Variants in KMT2B observed in about 807,000 individuals in gnomAD.
The protein encoded by KMT2B is lysine methyltransferase 2B.
Under a neutral mutation model 255.3 loss-of-function variants are expected in KMT2B, and 22 were observed. The ratio of observed to expected loss-of-function variants is 0.09; its 90% CI spans 0.06 to 0.12. KMT2B has a LOEUF of 0.12. Ranked by LOEUF, KMT2B falls within the 10% of genes least tolerant of loss-of-function variation. The probability of loss-of-function intolerance (pLI) is 1.00; values close to 1 mark genes in which losing one functional copy is unlikely to be tolerated. For missense variants in KMT2B, 3,149 were observed against 3,737.0 expected (o/e 0.84, Z 4.10); for synonymous variants, 1,730 against 1,498.1 (o/e 1.15, Z -3.57).
At chr19:35,729,499 G>A (rs559448047) in intron 22 of KMT2B, among the ~76,000 whole-genome samples, 7 of 152,316 alleles carry the variant, frequency 4.6e-5, no homozygotes, top group Admixed American at 3.3e-4. Context: ...CTGAAGTGTG[G>A]GAGTCTAAAA....
intron 26 of KMT2B, among the ~76,000 whole-genome samples, chr19:35,731,442 C>T (rs1215175791): frequency 1.3e-5 from 2 of 152,076 alleles, no homozygotes; most frequent in East Asian, 3.9e-4. Context: ...AAGAAGTGGA[C>T]AGAGGAGGAG....
In KMT2B at chr19:35,729,236, C is replaced by T. The variant is rs370642497; in HGVS notation, c.4857C>T (p.Phe1619=). 116 of 1,607,772 alleles carry T rather than the reference C, an allele frequency of 7.2e-5. No individual in the cohort carries two copies. In the African/African-American group the frequency reaches 1.1e-3, roughly 16 times the overall value. Residue 1619 remains phenylalanine, a synonymous_variant, in exon 22 of 37, where the codon TTC becomes TTT. Coordinates refer to ENST00000420124, the MANE Select transcript of KMT2B (RefSeq NM_014727.3). ...VNCAIWSAEV[F]EENDGSLKNV... is the part of the protein sequence containing the mutation. Reference sequence around the variant, plus strand: ...GTGCCATCTGGTCGGCGGAAGTCTTCGAGGAGAACGACGGCTCCCTCAAGA... The same window carrying T: ...GTGCCATCTGGTCGGCGGAAGTCTTTGAGGAGAACGACGGCTCCCTCAAGA...
Position 35,727,022 on chromosome 19 carries a change from CT to C in KMT2B, c.4004-130del. 2.0e-6 allele frequency: 1 copy of C among 499,610 alleles called. No homozygotes were observed. Among genetic ancestry groups the C allele is most frequent in the Non-Finnish European group, 3.6e-6 (1 of 279,748 alleles). 30.9% of individuals were successfully genotyped at this position (499,610 alleles called of 1,614,324 possible). A position where few individuals can be genotyped will look rare whatever the true frequency, so the allele number is the denominator to read the frequency against. ...AAAAAAAAGCCTCATCCTCAAGGAG[CT>C]TTTAGGGACTAGTAGGGGCCCAAAA... On this transcript the variant is annotated intron_variant, in intron 14 of 36. Transcript: ENST00000420124. This position sits in a 1 kb window ranked among gnomAD's most constrained non-coding sequence, Gnocchi z 4.2.
Position 35,732,747 on chromosome 19 carries a change from C to G in KMT2B, c.6198C>G (p.Asp2066Glu). Reference protein sequence around the residue: ...PRIEQLDGVDDGTDSEAEAVQ... With the variant: ...PRIEQLDGVDEGTDSEAEAVQ... ...TTGAACAGCTGGACGGCGTGGACGA[C>G]GGCACTGACAGTGAGGCTGAGGCGG... Residue 2066 changes from aspartate to glutamate, a missense_variant, in exon 28 of 37, where the codon GAC (aspartate) becomes GAG (glutamate). By Grantham distance (45) the Asp-to-Glu change is conservative. Transcript: ENST00000420124. The G allele has an allele frequency of 6.2e-7, 1 of 1,610,316 alleles. No individual in the cohort carries two copies. The highest frequency in any genetic ancestry group is 1.1e-5 in the South Asian group (1 of 90,628).
chr19:35,721,765 C>A lies in KMT2B; in HGVS notation c.2418C>A (p.Ile806=). The change falls in exon 3 of 37, where the codon ATC becomes ATA. Residue 806 remains isoleucine (I), a synonymous_variant. Transcript: ENST00000420124. ...LKRAKVQLFK[I]DQQQQQKVAA... ...GAGCCAAAGTGCAGCTATTCAAGAT[C>A]GATCAGCAGCAGCAGCAGAAGGTGG... 2 of 1,601,998 alleles carry A rather than the reference C, an allele frequency of 1.2e-6. No individual in the cohort carries two copies. Among genetic ancestry groups the A allele is most frequent in the East Asian group, 2.2e-5 (1 of 44,498 alleles).
chr19:35,725,468 C>T lies in KMT2B; in HGVS notation c.3643-11C>T, dbSNP rs778222884. Reference sequence around the variant, plus strand: ...CTATGCCCATCATTCACTCCTTTACCCTGTCCCCAGCTGGTGTTCTGTCAA... The same window carrying T: ...CTATGCCCATCATTCACTCCTTTACTCTGTCCCCAGCTGGTGTTCTGTCAA... On this transcript the variant is annotated splice_polypyrimidine_tract_variant and intron_variant, in intron 11 of 36. Coordinates refer to ENST00000420124, the MANE Select transcript of KMT2B (RefSeq NM_014727.3). This position sits in a 1 kb window ranked among gnomAD's most constrained non-coding sequence, Gnocchi z 4.1. 31 of 1,609,868 alleles carry T rather than the reference C, an allele frequency of 1.9e-5. No individual in the cohort carries two copies. Among genetic ancestry groups the T allele is most frequent in the South Asian group, 3.3e-5 (3 of 91,084 alleles).
chr19:35,735,094 T>TGTTTG (rs1212259296), intron 30 of KMT2B: 5 of 152,328 alleles, frequency 3.3e-5, no homozygotes, highest in Admixed American at 3.3e-4. Context: ...AGTCCTGCTG[T>TGTTTG]GTTTGGGAAA....
rs772898053 is a variant in KMT2B at position 35,725,188 on chromosome 19, G to T, written c.3529-32G>T. On this transcript the variant is annotated intron_variant, in intron 10 of 36. Coordinates refer to ENST00000420124, the MANE Select transcript of KMT2B (RefSeq NM_014727.3). The surrounding 1 kb of genome is among the most constrained non-coding windows in gnomAD (Gnocchi z 4.1). ...GTGGGTCTGCCTTGTATGCCTGGCG[G>T]CCCTCTGATCCTGCATCCTCTCTTC... 6.3e-7 allele frequency: 1 copy of T among 1,598,878 alleles called. No individual in the cohort carries two copies.
At position 35,732,821 on chromosome 19, in the gene KMT2B, T is replaced by C; in HGVS notation, c.6272T>C (p.Val2091Ala). The change falls in exon 28 of 37, where the codon GTC (valine) becomes GCC (alanine). Residue 2091 changes from valine (V) to alanine (A), a missense_variant. Around this residue, in one of 18 missense-constraint regions of KMT2B, gnomAD observed 897 missense variants for 825.3 expected, o/e 1.09. Coordinates refer to ENST00000420124, the MANE Select transcript of KMT2B (RefSeq NM_014727.3). ...QGTPPSGPGV[V>A]RAGVLGAAGD... ...ACGCCTCCTTCGGGGCCAGGAGTAGTCCGGGCAGGGGTCCTTGGGGCTGCA... is the reference window on the plus strand; with the variant it reads ...ACGCCTCCTTCGGGGCCAGGAGTAGCCCGGGCAGGGGTCCTTGGGGCTGCA... 1.2e-6 allele frequency: 2 copies of C among 1,606,574 alleles called. No individual in the cohort carries two copies. Among genetic ancestry groups the C allele is most frequent in the Non-Finnish European group, 1.7e-6 (2 of 1,177,266 alleles).
chr19:35,733,359 C>G lies in KMT2B; in HGVS notation c.6810C>G (p.Ser2270Arg). ...LTLVLSSGPA[S>R]PPRQAIRVKR... is the part of the protein sequence containing the mutation. The stretch of plus-strand genomic sequence containing the variant: ...TGGTGCTGAGCAGTGGGCCAGCCAG[C>G]CCGCCCCGCCAGGCCATCCGCGTCA... The change falls in exon 28 of 37, where the codon AGC becomes AGG. Residue 2270 changes from serine to arginine, a missense_variant. Ser to Arg is a moderately radical substitution (Grantham distance 110). Coordinates refer to ENST00000420124, the MANE Select transcript of KMT2B (RefSeq NM_014727.3). This position sits in a 1 kb window ranked among gnomAD's most constrained non-coding sequence, Gnocchi z 4.3. 1 of 1,547,652 alleles carries G rather than the reference C, an allele frequency of 6.5e-7. No homozygotes were observed. The highest frequency in any genetic ancestry group is 1.2e-5 in the South Asian group (1 of 83,970).
intron 21 of KMT2B, 32 bp downstream of exon 21, chr19:35,729,108 G>A: frequency 1.2e-6 from 2 of 1,613,986 alleles, no homozygotes; most frequent in Non-Finnish European, 1.7e-6. Flanking sequence ...ACCAGGTTGT[G>A]GGGCCTGTTC....
chr19:35,731,922 G>A lies in KMT2B; in HGVS notation c.5452G>A (p.Glu1818Lys). Residue 1818 changes from glutamate (E) to lysine (K), a missense_variant, in exon 27 of 37, where the codon GAG becomes AAG. Coordinates refer to ENST00000420124, the MANE Select transcript of KMT2B (RefSeq NM_014727.3). ...PAPSSEPPGG[E>K]DPPLDTDVLV... ...CGCCTCTTCAGAGCCCCCAGGTGGT[G>A]AGGACCCCCCACTGGACACAGATGT... 6.2e-7 allele frequency: 1 copy of A among 1,613,538 alleles called. No individual in the cohort carries two copies. The highest frequency in any genetic ancestry group is 8.5e-7 in the Non-Finnish European group (1 of 1,179,648).
In KMT2B at chr19:35,737,669, C is replaced by G; in HGVS notation, c.7584C>G (p.Ala2528=). 6.4e-7 allele frequency: 1 copy of G among 1,572,490 alleles called. No individual in the cohort carries two copies. The part of the protein sequence containing the change: ...KCTFDMFNFL[A]SQHRVLPEGA... ...CCTTTGACATGTTCAACTTCCTGGC[C>G]TCCCAGCACCGGGTGCTCCCTGAGG... The change falls in exon 34 of 37, where the codon GCC becomes GCG. Residue 2528 remains alanine, a synonymous_variant. Coordinates refer to ENST00000420124, the MANE Select transcript of KMT2B (RefSeq NM_014727.3). This position sits in a 1 kb window ranked among gnomAD's most constrained non-coding sequence, Gnocchi z 5.3.
chr19:35,733,905 C>A lies in KMT2B; in HGVS notation c.7159+33C>A. ...CCGGCCTTGCCCTCTCCCTCCTTGC[C>A]TGTGCCTGGCTCAGCTGGGTGACTC... On this transcript the variant is annotated intron_variant, in intron 30 of 36. Coordinates refer to ENST00000420124, the MANE Select transcript of KMT2B (RefSeq NM_014727.3). This position sits in a 1 kb window ranked among gnomAD's most constrained non-coding sequence, Gnocchi z 4.3. 1 of 1,487,146 alleles carries A rather than the reference C, an allele frequency of 6.7e-7. No homozygotes were observed. The highest frequency in any genetic ancestry group is 9.3e-7 in the Non-Finnish European group (1 of 1,072,026). 92.1% of individuals were successfully genotyped at this position (1,487,146 alleles called of 1,614,324 possible). A position where few individuals can be genotyped will look rare whatever the true frequency, so the allele number is the denominator to read the frequency against.
At position 35,732,341 on chromosome 19, in the gene KMT2B, C is replaced by T. The variant is rs201672736; in HGVS notation, c.5792C>T (p.Pro1931Leu). 3.2e-4 allele frequency: 513 copies of T among 1,611,558 alleles called. No homozygotes were observed. Among genetic ancestry groups the T allele is most frequent in the Admixed American group, 6.4e-4 (38 of 59,712 alleles). Residue 1931 changes from proline to leucine, a missense_variant, in exon 28 of 37, where the codon CCT becomes CTT. Transcript: ENST00000420124. ...PRPPPSRWAS[P>L]PLKTSPQLRV... ...CCGCCTCCATCACGGTGGGCCTCCC[C>T]TCCTCTAAAAACCTCCCCTCAGCTC... is the stretch of plus-strand genomic sequence containing the variant.
At position 35,737,700 on chromosome 19, in the gene KMT2B, A is replaced by G. The variant is rs772273508; in HGVS notation, c.7615A>G (p.Thr2539Ala). The G allele has an allele frequency of 6.3e-7, 1 of 1,584,290 alleles. No individual in the cohort carries two copies. Among genetic ancestry groups the G allele is most frequent in the East Asian group, 2.3e-5 (1 of 43,586 alleles). ...SQHRVLPEGATCDEEEDEVQL... is the reference protein window; with the variant it reads ...SQHRVLPEGAACDEEEDEVQL... ...GCACCGGGTGCTCCCTGAGGGGGCC[A>G]CCTGTGATGAGGAAGAGGATGAGGT... is the stretch of plus-strand genomic sequence containing the variant. Residue 2539 changes from threonine to alanine, a missense_variant, in exon 34 of 37, where the codon ACC (threonine) becomes GCC (alanine). Coordinates refer to ENST00000420124, the MANE Select transcript of KMT2B (RefSeq NM_014727.3). The surrounding 1 kb of genome is among the most constrained non-coding windows in gnomAD (Gnocchi z 5.3).
chr19:35,722,780 G>A, intron 5 of KMT2B, 62 bp downstream of exon 5: 1 of 1,526,088 alleles, frequency 6.6e-7, no homozygotes, highest in South Asian at 1.3e-5. Context: ...TGGGTGACAT[G>A]CACCAAGAGC....
Position 35,719,843 on chromosome 19 carries a change from C to G in KMT2B, c.496C>G (p.Leu166Val). The G allele has an allele frequency of 6.2e-7, 1 of 1,612,830 alleles. No individual in the cohort carries two copies. Among genetic ancestry groups the G allele is most frequent in the Non-Finnish European group, 8.5e-7 (1 of 1,179,608 alleles). The part of the protein sequence containing the change: ...HKTTPLPPPR[L>V]ADVAPTPPKT... ...GACGACCCCCCTTCCTCCTCCTCGC[C>G]TAGCAGATGTGGCTCCTACCCCCCC... The change falls in exon 3 of 37, where the codon CTA becomes GTA. Residue 166 changes from leucine to valine, a missense_variant. Around this residue, in one of 18 missense-constraint regions of KMT2B, gnomAD observed 1,188 missense variants for 1,106.4 expected, o/e 1.07. Coordinates refer to ENST00000420124, the MANE Select transcript of KMT2B (RefSeq NM_014727.3).
Position 35,720,011 on chromosome 19 carries a change from C to T in KMT2B, c.664C>T (p.Arg222Trp), listed in dbSNP as rs1462444181. The change falls in exon 3 of 37, where the codon CGG becomes TGG. Residue 222 changes from arginine to tryptophan, a missense_variant. Arg to Trp is a moderately radical substitution (Grantham distance 101). Around this residue, in one of 18 missense-constraint regions of KMT2B, gnomAD observed 1,188 missense variants for 1,106.4 expected, o/e 1.07. Transcript: ENST00000420124. ...EPSTPRRSRG[R>W]PPGRPAGPCR... is the part of the protein sequence containing the mutation. ...CTCCACCCCCCGGCGGTCTCGGGGA[C>T]GGCCCCCAGGACGGCCAGCAGGCCC... is the stretch of plus-strand genomic sequence containing the variant. The T allele has an allele frequency of 6.2e-6, 10 of 1,612,784 alleles. No individual in the cohort carries two copies. Among genetic ancestry groups the T allele is most frequent in the Non-Finnish European group, 7.6e-6 (9 of 1,179,542 alleles).
Sources: allele counts gnomAD v4.1 joint callset (sites outside exome capture counted in the v4.1 genomes callset), GRCh38; gene constraint gnomAD v4.1.1; regional missense constraint gnomAD v4.1.1; non-coding constraint Gnocchi (gnomAD v3.1); transcripts MANE v1.5; gene names NCBI Gene and HGNC (gene_info 2026-07-23, HGNC 2026-07-21).